The following CDKN2B-AS1 variants were observed in gnomAD, a reference collection of about 807,000 sequenced individuals.
CDKN2B-AS1 encodes CDKN2B and CDKN2A antisense cis and trans regulatory RNA 1.
intron 4 of CDKN2B-AS1, among the ~76,000 whole-genome samples, chr9:22,095,229 G>A (rs1825232653): frequency 6.9e-6 from 1 of 144,816 alleles, no homozygotes; most frequent in Non-Finnish European, 1.5e-5. Flanking sequence ...CCTACTGGGG[G>A]GTGCCTCACA....
chr9:22,030,693 T>A (rs1440765545), intron 1 of CDKN2B-AS1: 1 of 151,834 alleles, frequency 6.6e-6, no homozygotes, highest in Non-Finnish European at 1.5e-5. Flanking sequence ...TAGTCCTCTT[T>A]AAGATTTAGT....
intron 1 of CDKN2B-AS1, among the ~76,000 whole-genome samples, chr9:22,010,759 A>G (rs1272007685): frequency 2.6e-5 from 4 of 152,144 alleles, no homozygotes; most frequent in Non-Finnish European, 4.4e-5. Context: ...TCAGTTTCTT[A>G]ATTTCTCTAC....
rs1286390440 is a variant in CDKN2B-AS1, at chr9:22,078,133, G to A, written n.438+21746G>A. ...TGTTTGTGTCTATATTTCTTATAGT[G>A]TCTTGAACTGATTGTACTTACGATA... On this transcript the variant is annotated intron_variant and non_coding_transcript_variant, in intron 4 of 4. Transcript: ENST00000650946. 2.0e-5 allele frequency among the ~76,000 whole-genome samples: 3 copies of A among 151,964 alleles called. No individual in the cohort carries two copies. The East Asian group carries it at 5.8e-4, about 29-fold the overall frequency.
chr9:22,025,121 G>C (rs1212660018), intron 1 of CDKN2B-AS1, among the ~76,000 whole-genome samples: 2 of 152,202 alleles, frequency 1.3e-5, no homozygotes, highest in African/African-American at 4.8e-5. Flanking sequence ...CAGCTGGCTT[G>C]CTGCTCTACC....
intron 4 of CDKN2B-AS1, among the ~76,000 whole-genome samples, chr9:22,087,844 A>G (rs1481752700): frequency 6.6e-6 from 1 of 152,202 alleles, no homozygotes; most frequent in Non-Finnish European, 1.5e-5. Flanking sequence ...ATTTGCCTTA[A>G]ATAGAAGATT....
At position 21,997,026 on chromosome 9, in the gene CDKN2B-AS1, G is replaced by A. The variant is rs1820720986; in HGVS notation, n.29+1865G>A. 6.6e-6 allele frequency among the ~76,000 whole-genome samples: 1 copy of A among 152,164 alleles called. No individual in the cohort carries two copies. ...ACATATGTATATGTATATACACACC[G>A]TCATGGGGTTGCTTAACAACAGGGA... On this transcript the variant is annotated intron_variant and non_coding_transcript_variant, in intron 1 of 4. Transcript: ENST00000650946. The surrounding 1 kb of genome is among the most constrained non-coding windows in gnomAD (Gnocchi z 4.8).
In CDKN2B-AS1 at chr9:22,000,334, C is replaced by A. The variant is rs1820866598; in HGVS notation, n.29+5173C>A. On this transcript the variant is annotated intron_variant and non_coding_transcript_variant, in intron 1 of 4. Coordinates refer to ENST00000650946, the Ensembl canonical transcript of CDKN2B-AS1. This position sits in a 1 kb window ranked among gnomAD's most constrained non-coding sequence, Gnocchi z 4.1. Reference sequence around the variant, plus strand: ...ATGTATAATAAAGTGGTATGCTTCCCTAGAAAGGGGACGACCTTAAATCTT... The same window carrying A: ...ATGTATAATAAAGTGGTATGCTTCCATAGAAAGGGGACGACCTTAAATCTT... Among the ~76,000 whole-genome samples the A allele has an allele frequency of 6.6e-6, 1 of 152,106 alleles. No homozygotes were observed. The highest frequency in any genetic ancestry group is 6.6e-5 in the Admixed American group (1 of 15,264).
At chr9:22,038,625 C>A (rs900558722) in intron 1 of CDKN2B-AS1, among the ~76,000 whole-genome samples, 1 of 151,872 alleles carries the variant, frequency 6.6e-6, no homozygotes, top group African/African-American at 2.4e-5. Flanking sequence ...AGTCCTTTTA[C>A]TTTTTCTTTT....
At chr9:22,064,515 T>C (rs953451469) in intron 4 of CDKN2B-AS1, among the ~76,000 whole-genome samples, 2 of 152,134 alleles carry the variant, frequency 1.3e-5, no homozygotes, top group African/African-American at 4.8e-5. Flanking sequence ...GGAGGCAAAT[T>C]GACTTTCTTT....
chr9:21,998,635 T>A (rs1820790161), intron 1 of CDKN2B-AS1, among the ~76,000 whole-genome samples: 1 of 152,230 alleles, frequency 6.6e-6, no homozygotes, highest in African/African-American at 2.4e-5. Context: ...AATTGAGTTT[T>A]TTTTAACAGG....
At chr9:22,101,384 A>T (rs1825478326) in intron 4 of CDKN2B-AS1, among the ~76,000 whole-genome samples, 2 of 151,892 alleles carry the variant, frequency 1.3e-5, no homozygotes, top group South Asian at 4.2e-4. Context: ...TGAAACTGAA[A>T]GATAGGTAGC....
At chr9:22,118,856 T>C (rs1233883776) in intron 4 of CDKN2B-AS1, 14 of 152,196 alleles carry the variant, frequency 9.2e-5, no homozygotes, top group Admixed American at 9.2e-4. Context: ...TTGTCCATTT[T>C]CATCACACGA....
chr9:22,099,740 T>C (rs2131353773), intron 4 of CDKN2B-AS1, among the ~76,000 whole-genome samples: 1 of 125,098 alleles, frequency 8.0e-6, no homozygotes, highest in South Asian at 2.9e-4. Flanking sequence ...TGGTATTAAT[T>C]ATTAAGTAAA....
At chr9:22,120,869 G>A (rs1826082779) in intron 4 of CDKN2B-AS1, 1 of 151,716 alleles carries the variant, frequency 6.6e-6, no homozygotes, top group Non-Finnish European at 1.5e-5. Flanking sequence ...ATGCTGTCTA[G>A]GCATTTTACA....
At chr9:22,012,206 G>T (rs561948279) in intron 1 of CDKN2B-AS1, 12 of 1,403,484 alleles carry the variant, frequency 8.6e-6, no homozygotes, top group Non-Finnish European at 1.1e-5. Context: ...CCTTGAGGTC[G>T]AGCCCAGTGA....
intron 4 of CDKN2B-AS1, among the ~76,000 whole-genome samples, chr9:22,101,009 A>G (rs1184748777): frequency 6.6e-6 from 1 of 152,138 alleles, no homozygotes; most frequent in Non-Finnish European, 1.5e-5. Context: ...TTACCTCCCT[A>G]TTCTTGACTT....
intron 4 of CDKN2B-AS1, among the ~76,000 whole-genome samples, chr9:22,086,389 G>A (rs1249051540): frequency 6.6e-6 from 1 of 152,296 alleles, no homozygotes; most frequent in African/African-American, 2.4e-5. Flanking sequence ...TGAGTTGGAA[G>A]TTTATATCTA....
At chr9:22,103,999 A>G (rs906899984) in intron 4 of CDKN2B-AS1, among the ~76,000 whole-genome samples, 7 of 152,242 alleles carry the variant, frequency 4.6e-5, no homozygotes, top group African/African-American at 1.4e-4. Context: ...GTGAAATAAA[A>G]ATAAAATGTA....
intron 4 of CDKN2B-AS1, among the ~76,000 whole-genome samples, chr9:22,123,502 G>C (rs1283157521): frequency 6.6e-6 from 1 of 152,192 alleles, no homozygotes; most frequent in African/African-American, 2.4e-5. Context: ...AGAAGTTGGG[G>C]AGAAATGTGT....
Sources: allele counts gnomAD v4.1 joint callset (sites outside exome capture counted in the v4.1 genomes callset), GRCh38; gene constraint gnomAD v4.1.1; non-coding constraint Gnocchi (gnomAD v3.1); transcripts MANE v1.5; gene names NCBI Gene and HGNC (gene_info 2026-07-23, HGNC 2026-07-21).